Variants in PHIP observed in about 807,000 individuals in gnomAD.
The protein encoded by PHIP is PHIP subunit of CUL4-Ring ligase complex.
PHIP carries 54 observed loss-of-function variants against 236.8 expected under a neutral mutation model. The observed-to-expected ratio is 0.23, with a 90% CI of 0.18 to 0.29. PHIP has a LOEUF of 0.29. PHIP is among the 10% of genes least tolerant of loss of function. The pLI is 1.00. For synonymous variants in PHIP, 756 were observed against 718.9 expected, an observed-to-expected ratio of 1.05 and a Z score of -0.83; for missense variants, 1,370 against 2,190.8, an observed-to-expected ratio of 0.63 and a Z score of 7.48.
chr6:78,945,974 C>T, intron 38 of PHIP, 27 bp downstream of exon 38: 3 of 1,530,426 alleles, frequency 2.0e-6, no homozygotes, highest in Non-Finnish European at 2.7e-6. Flanking sequence ...TCATCATATA[C>T]ATTTCAATTT....
chr6:79,060,080 CCT>C (rs1469540916), intron 6 of PHIP, among the ~76,000 whole-genome samples: 1 of 138,368 alleles, frequency 7.2e-6, no homozygotes, highest in Non-Finnish European at 1.6e-5. Context: ...ATCAGTACTC[CCT>C]CTTTGAAACT....
chr6:78,957,201 T>G (rs1766476309), intron 32 of PHIP: 1 of 151,984 alleles, frequency 6.6e-6, no homozygotes, highest in African/African-American at 2.4e-5. Flanking sequence ...GTATTAACAA[T>G]TTTCATCTAA....
chr6:79,035,449 T>C (rs1203295110), intron 7 of PHIP, among the ~76,000 whole-genome samples: 2 of 152,188 alleles, frequency 1.3e-5, no homozygotes, highest in Non-Finnish European at 2.9e-5. Flanking sequence ...AATTAAAATA[T>C]TGACCTATGT....
In PHIP at chr6:78,941,031, T is replaced by C. The variant is rs760018505; in HGVS notation, c.5128A>G (p.Asn1710Asp). 2 of 1,613,938 alleles carry C rather than the reference T, an allele frequency of 1.2e-6. No homozygotes were observed. Among genetic ancestry groups the C allele is most frequent in the South Asian group, 2.2e-5 (2 of 91,088 alleles). Residue 1710 changes from asparagine to aspartate, a missense_variant, in exon 40 of 40, where the codon AAT (asparagine) becomes GAT (aspartate). This residue lies in a region of PHIP where 309 missense variants were observed against 328.3 expected (regional missense o/e 0.94). Transcript: ENST00000275034. ...CTTTTGGGCTTCCTACCTCCACGAT[T>C]CTTTTTCTGTAACAAATCTTCCTTT... ...NVKEDLLQKK[N>D]RGGRKPKRKM...
intron 6 of PHIP, among the ~76,000 whole-genome samples, chr6:79,051,739 A>C (rs1562210411): frequency 6.6e-6 from 1 of 152,204 alleles, no homozygotes; most frequent in Non-Finnish European, 1.5e-5. Flanking sequence ...TAGATATGAT[A>C]ATTATTAGGA....
Position 78,939,077 on chromosome 6 carries a change from A to T in PHIP, c.*1616T>A, listed in dbSNP as rs1285962716. 6.6e-6 allele frequency: 1 copy of T among 151,774 alleles called. No individual in the cohort carries two copies. Among genetic ancestry groups the T allele is most frequent in the Non-Finnish European group, 1.5e-5 (1 of 67,682 alleles). 9.4% of individuals were successfully genotyped at this position (151,774 alleles called of 1,614,324 possible). On this transcript the variant is annotated 3_prime_UTR_variant, in exon 40 of 40. Transcript: ENST00000275034. ...GTCCTCAGAAAATACTACATTCTTT[A>T]AATTTTTAAAAAAATGGACAGTAAT...
At chr6:78,990,396 A>C (rs993367461) in intron 20 of PHIP, among the ~76,000 whole-genome samples, 1 of 152,212 alleles carries the variant, frequency 6.6e-6, no homozygotes, top group Non-Finnish European at 1.5e-5. Context: ...GATGACAGAA[A>C]AGCCAATAAG....
intron 15 of PHIP, among the ~76,000 whole-genome samples, chr6:79,014,352 T>C (rs1770736312): frequency 6.6e-6 from 1 of 151,810 alleles, no homozygotes; most frequent in South Asian, 2.1e-4. Context: ...AATTGGTTTT[T>C]TAAAAAAATT....
intron 12 of PHIP, 96 bp from the exon 13 acceptor site, chr6:79,016,738 A>T: frequency 1.4e-6 from 1 of 706,818 alleles, no homozygotes. Context: ...GACAGCATTC[A>T]TCTTTATTTA....
intron 17 of PHIP, among the ~76,000 whole-genome samples, chr6:78,998,859 A>G (rs1769805300): frequency 6.6e-6 from 1 of 152,156 alleles, no homozygotes; most frequent in Admixed American, 6.6e-5. Flanking sequence ...ACTGTCTACT[A>G]TATGTTAGGA....
Position 79,078,148 on chromosome 6 carries a change from T to TA in PHIP, c.-81dup, listed in dbSNP as rs2127785188. The TA allele has an allele frequency of 7.1e-7, 1 of 1,408,062 alleles. No homozygotes were observed. The highest frequency in any genetic ancestry group is 1.4e-5 in the African/African-American group (1 of 70,226). 87.2% of individuals were successfully genotyped at this position (1,408,062 alleles called of 1,614,324 possible). On this transcript the variant is annotated 5_prime_UTR_variant, in exon 1 of 40. Transcript: ENST00000275034. ...GGGGACGGTGCCGCCGCCTGCCCTATAGCTGTCAGTGTGTGTTCACGAGCC... is the reference window on the plus strand; with the variant it reads ...GGGGACGGTGCCGCCGCCTGCCCTATAAGCTGTCAGTGTGTGTTCACGAGCC...
chr6:78,983,330 G>T (rs779859694), intron 22 of PHIP, among the ~76,000 whole-genome samples: 1 of 151,972 alleles, frequency 6.6e-6, no homozygotes, highest in Non-Finnish European at 1.5e-5. Flanking sequence ...CCCAAAACCT[G>T]AAGATACATA....
intron 1 of PHIP, 31 bp downstream of exon 1, chr6:79,077,998 T>G (rs1377266595): frequency 1.1e-5 from 18 of 1,603,902 alleles, no homozygotes; most frequent in Non-Finnish European, 1.4e-5. Context: ...AATCGCCCGG[T>G]GCCAGCGGCC....
intron 6 of PHIP, among the ~76,000 whole-genome samples, chr6:79,059,583 A>G (rs1425116893): frequency 1.7e-5 from 2 of 118,332 alleles, no homozygotes; most frequent in Non-Finnish European, 3.4e-5. Flanking sequence ...AAAAAGTTGA[A>G]AGCAAAATTA....
chr6:79,049,302 T>C (rs1270794398), intron 6 of PHIP, among the ~76,000 whole-genome samples: 2 of 152,166 alleles, frequency 1.3e-5, no homozygotes, highest in Admixed American at 1.3e-4. Context: ...CCTCAAGTGA[T>C]CTGCCTGCCT....
Position 78,978,691 on chromosome 6 carries a change from T to C in PHIP, c.2790A>G (p.Leu930=), listed in dbSNP as rs1488931812. Residue 930 remains leucine, a synonymous_variant, in exon 24 of 40, where the codon CTA becomes CTG. Coordinates refer to ENST00000275034, the MANE Select transcript of PHIP (RefSeq NM_017934.7). The part of the protein sequence containing the change: ...RKQKRLAVGE[L]TENGLTLEEW... Reference sequence around the variant, plus strand: ...CTTCTAATGTCAAACCATTTTCAGTTAGTTCTCCCACAGCCAATCTCTGAC... The same window carrying C: ...CTTCTAATGTCAAACCATTTTCAGTCAGTTCTCCCACAGCCAATCTCTGAC... 2.5e-6 allele frequency: 4 copies of C among 1,598,910 alleles called. No homozygotes were observed. Among genetic ancestry groups the C allele is most frequent in the Non-Finnish European group, 3.4e-6 (4 of 1,169,278 alleles).
rs569713404 is a variant in PHIP, at chr6:78,953,407, A to G, written c.4053+1407T>C. On this transcript the variant is annotated intron_variant, in intron 35 of 39. Transcript: ENST00000275034. The stretch of plus-strand genomic sequence containing the variant: ...ATCTCTTCTTTTCTGTGCAAAGCCC[A>G]GAATACAAACGCTTAAAACAATGAA... Among the ~76,000 whole-genome samples, 109 of 152,190 alleles carry G rather than the reference A, an allele frequency of 7.2e-4. 1 individual carries two copies. The highest frequency in any genetic ancestry group is 1.4e-3 in the Non-Finnish European group (94 of 68,026).
intron 4 of PHIP, among the ~76,000 whole-genome samples, chr6:79,064,269 A>AT (rs964153908): frequency 1.8e-4 from 28 of 152,254 alleles, no homozygotes; most frequent in African/African-American, 6.3e-4. Context: ...TCCCATCTAC[A>AT]TGTAAACATG....
chr6:78,974,521 A>C (rs565404063), intron 24 of PHIP, among the ~76,000 whole-genome samples: 11,218 of 151,882 alleles, frequency 0.074, 524 homozygotes, highest in Middle Eastern at 0.13. Flanking sequence ...AGAAATAACT[A>C]AGATCAGAGC....
Sources: allele counts gnomAD v4.1 joint callset (sites outside exome capture counted in the v4.1 genomes callset), GRCh38; gene constraint gnomAD v4.1.1; regional missense constraint gnomAD v4.1.1; transcripts MANE v1.5; gene names NCBI Gene and HGNC (gene_info 2026-07-23, HGNC 2026-07-21).